The following PRKG1 variants were observed in gnomAD, a reference collection of about 807,000 sequenced individuals.
The protein encoded by PRKG1 is cGMP-dependent protein kinase 1.
PRKG1 carries 35 observed loss-of-function variants against 88.1 expected under a neutral mutation model. That is an observed-to-expected ratio of 0.40 (90% CI 0.30 to 0.53). PRKG1 has a LOEUF of 0.53. Ranked by LOEUF, PRKG1 falls within the 20% of genes least tolerant of loss-of-function variation. PRKG1 has a pLI of 0.59. For synonymous variants in PRKG1, 303 were observed against 292.5 expected, an observed-to-expected ratio of 1.04 and a Z score of -0.37; for missense variants, 540 against 839.8, an observed-to-expected ratio of 0.64 and a Z score of 4.41.
At chr10:52,070,565 A>G (rs1481823663) in intron 7 of PRKG1, among the ~76,000 whole-genome samples, 1 of 152,132 alleles carries the variant, frequency 6.6e-6, no homozygotes, top group African/African-American at 2.4e-5. Flanking sequence ...TTCTGCATAT[A>G]TTCTTTCCCC....
At position 51,932,102 on chromosome 10, in the gene PRKG1, C is replaced by G. The variant is rs370039092; in HGVS notation, c.762+24532C>G. On this transcript the variant is annotated intron_variant, in intron 5 of 17. Coordinates refer to ENST00000373980, the MANE Select transcript of PRKG1 (RefSeq NM_006258.4). Reference sequence around the variant, plus strand: ...TTTGTTAATGTAACATTATAAATCACTTAGTCTTATAAATATTCTGCTTTA... The same window carrying G: ...TTTGTTAATGTAACATTATAAATCAGTTAGTCTTATAAATATTCTGCTTTA... 1.1e-4 allele frequency among the ~76,000 whole-genome samples: 16 copies of G among 151,788 alleles called. 1 individual carries two copies. The highest frequency in any genetic ancestry group is 9.6e-4 in the East Asian group (5 of 5,188).
intron 3 of PRKG1, among the ~76,000 whole-genome samples, chr10:51,687,269 A>G (rs996452236): frequency 6.6e-6 from 1 of 152,264 alleles, no homozygotes; most frequent in African/African-American, 2.4e-5. Context: ...GAGTTTTGCT[A>G]CCATTTCCAA....
intron 4 of PRKG1, among the ~76,000 whole-genome samples, chr10:51,861,138 G>A (rs1215746476): frequency 6.6e-6 from 1 of 152,156 alleles, no homozygotes; most frequent in Non-Finnish European, 1.5e-5. Flanking sequence ...ACATCACACA[G>A]CTGCAAAGTT....
rs150146763 is a variant in PRKG1 at position 51,288,377 on chromosome 10, A to C, written c.478+135047A>C. Among the ~76,000 whole-genome samples, 613 of 152,258 alleles carry C rather than the reference A, an allele frequency of 4.0e-3. 5 individuals are homozygous for C. Among genetic ancestry groups the C allele is most frequent in the African/African-American group, 0.014 (589 of 41,554 alleles). On this transcript the variant is annotated intron_variant, in intron 2 of 17. Transcript: ENST00000373980. ...ATATTAGGTGCTGCAGTAAAATGTA[A>C]AGAAATTTCCAAGGCCTGATTTTAT...
chr10:51,452,087 T>C (rs1018760279), intron 2 of PRKG1, among the ~76,000 whole-genome samples: 15 of 151,998 alleles, frequency 9.9e-5, no homozygotes, highest in Middle Eastern at 3.4e-3. Flanking sequence ...AATTTACCCA[T>C]TTAAGGTGTT....
intron 2 of PRKG1, among the ~76,000 whole-genome samples, chr10:51,349,284 C>T (rs138563531): frequency 6.2e-4 from 94 of 152,110 alleles, no homozygotes; most frequent in African/African-American, 2.1e-3. Context: ...TGGCCAGTGA[C>T]CTATTGTCAA....
intron 2 of PRKG1, among the ~76,000 whole-genome samples, chr10:51,415,872 A>T (rs544993487): frequency 1.3e-5 from 2 of 151,804 alleles, no homozygotes; most frequent in East Asian, 3.9e-4. Context: ...GGGAAATTAG[A>T]TTATCCATGG....
intron 3 of PRKG1, among the ~76,000 whole-genome samples, chr10:51,498,783 G>A (rs946636853): frequency 6.6e-6 from 1 of 152,062 alleles, no homozygotes; most frequent in Non-Finnish European, 1.5e-5. Context: ...TTGGGTCTCC[G>A]TTCTCTGAAT....
At chr10:51,003,876 T>C (rs1235194561) in intron 1 of PRKG1, among the ~76,000 whole-genome samples, 3 of 152,188 alleles carry the variant, frequency 2.0e-5, no homozygotes, top group Non-Finnish European at 4.4e-5. Flanking sequence ...CTAGGCTTCT[T>C]TCCAGATCAG....
chr10:51,087,022 G>A (rs1844270271), intron 1 of PRKG1, among the ~76,000 whole-genome samples: 1 of 152,190 alleles, frequency 6.6e-6, no homozygotes, highest in South Asian at 2.1e-4. Context: ...TTGCTAGTGA[G>A]TTTTTAAATC....
chr10:51,199,183 T>A (rs1453334416), intron 2 of PRKG1, among the ~76,000 whole-genome samples: 1 of 152,188 alleles, frequency 6.6e-6, no homozygotes, highest in Non-Finnish European at 1.5e-5. Context: ...CTGAAAAAGT[T>A]GGGAGGGGAG....
At chr10:51,570,147 T>C (rs968489731) in intron 3 of PRKG1, among the ~76,000 whole-genome samples, 3 of 150,558 alleles carry the variant, frequency 2.0e-5, no homozygotes, top group African/African-American at 4.9e-5. Context: ...TGTATGTATA[T>C]ACATACAGTT....
intron 2 of PRKG1, among the ~76,000 whole-genome samples, chr10:51,233,395 T>A (rs141863847): frequency 2.0e-5 from 3 of 152,270 alleles, no homozygotes; most frequent in African/African-American, 7.2e-5. Flanking sequence ...CAATATGAGA[T>A]TGTTCTAAGG....
At chr10:51,765,203 T>A (rs763053858) in intron 3 of PRKG1, among the ~76,000 whole-genome samples, 2 of 152,066 alleles carry the variant, frequency 1.3e-5, no homozygotes, top group Non-Finnish European at 2.9e-5. Context: ...ATAGAATGAA[T>A]CACTGAGGGA....
chr10:52,150,177 A>ATTATTATTATTATTATT (rs1554810273), intron 8 of PRKG1, among the ~76,000 whole-genome samples: 9 of 106,742 alleles, frequency 8.4e-5, no homozygotes, highest in South Asian at 3.7e-4. Context: ...TAATAATAAT[A>ATTATTATTATTATTATT]ATAATAATTT....
chr10:51,454,201 A>C (rs959926481), intron 2 of PRKG1, among the ~76,000 whole-genome samples: 3 of 152,044 alleles, frequency 2.0e-5, no homozygotes, highest in African/African-American at 7.2e-5. Flanking sequence ...TGCAATTCCC[A>C]TCAAAATACC....
At chr10:51,926,891 A>G (rs1842591613) in intron 5 of PRKG1, among the ~76,000 whole-genome samples, 1 of 151,564 alleles carries the variant, frequency 6.6e-6, no homozygotes, top group African/African-American at 2.4e-5. Context: ...TCTACCTGGT[A>G]ATTGTAAGTA....
rs181129957 is a variant in PRKG1, at chr10:51,426,823, G to A, written c.479-40900G>A. Among the ~76,000 whole-genome samples, 304 of 152,268 alleles carry A rather than the reference G, an allele frequency of 2.0e-3. 2 individuals carry two copies. Among genetic ancestry groups the A allele is most frequent in the Non-Finnish European group, 3.6e-3 (247 of 68,014 alleles). ...ATTCTGAGCACGTATAAAAATACAG[G>A]TGATTTGTGCAAGGTGGACTTACAG... On this transcript the variant is annotated intron_variant, in intron 2 of 17. Transcript: ENST00000373980.
chr10:51,688,112 C>CTT (rs1841041428), intron 3 of PRKG1, among the ~76,000 whole-genome samples: 1 of 151,970 alleles, frequency 6.6e-6, no homozygotes, highest in Non-Finnish European at 1.5e-5. Context: ...TTTTATGGTG[C>CTT]TTTTATTTGT....
Sources: allele counts gnomAD v4.1 joint callset (sites outside exome capture counted in the v4.1 genomes callset), GRCh38; gene constraint gnomAD v4.1.1; transcripts MANE v1.5; gene names NCBI Gene and HGNC (gene_info 2026-07-23, HGNC 2026-07-21).